LRP1B: variants seen among roughly 807,000 people sequenced by gnomAD.
LRP1B encodes low-density lipoprotein receptor-related protein 1B.
In LRP1B, 217 loss-of-function variants were observed where a neutral mutation model predicts 556.6. That is an observed-to-expected ratio of 0.39 (90% CI 0.35 to 0.44). LRP1B has a LOEUF of 0.44. Ranked by LOEUF, LRP1B falls within the 20% of genes least tolerant of loss-of-function variation. The pLI is 1.00. For synonymous variants in LRP1B, 2,047 were observed against 1,865.8 expected (o/e 1.10, Z -2.50); for missense variants, 5,053 against 5,620.8 (o/e 0.90, Z 3.23).
At chr2:141,878,398 C>T (rs1452670734) in intron 1 of LRP1B, among the ~76,000 whole-genome samples, 1 of 151,592 alleles carries the variant, frequency 6.6e-6, no homozygotes, top group Non-Finnish European at 1.5e-5. Context: ...AAAACACATG[C>T]ACACACACAA....
At chr2:141,143,835 CTTT>C (rs11408374) in intron 7 of LRP1B, among the ~76,000 whole-genome samples, 1 of 148,140 alleles carries the variant, frequency 6.8e-6, no homozygotes. Context: ...CTTTCCTAAT[CTTT>C]TTTTTTTTTT....
intron 2 of LRP1B, among the ~76,000 whole-genome samples, chr2:141,598,726 A>C (rs1687612462): frequency 6.6e-6 from 1 of 152,174 alleles, no homozygotes; most frequent in African/African-American, 2.4e-5. Flanking sequence ...ATACATGTGC[A>C]AACAGTGAGT....
At chr2:141,192,632 T>G (rs1267520065) in intron 6 of LRP1B, among the ~76,000 whole-genome samples, 1 of 151,890 alleles carries the variant, frequency 6.6e-6, no homozygotes, top group African/African-American at 2.4e-5. Flanking sequence ...GATTTTGCTC[T>G]CATTGTTCCT....
intron 41 of LRP1B, among the ~76,000 whole-genome samples, chr2:140,654,840 C>T (rs910842860): frequency 3.3e-5 from 5 of 152,242 alleles, no homozygotes; most frequent in East Asian, 1.9e-4. Context: ...ATCTGCTCTC[C>T]GTATTGTTCA....
chr2:141,627,098 G>T (rs1331048698), intron 2 of LRP1B, among the ~76,000 whole-genome samples: 5 of 152,180 alleles, frequency 3.3e-5, no homozygotes, highest in African/African-American at 9.6e-5. Context: ...TCCAGGCATT[G>T]CAATCTTTTT....
chr2:141,332,750 G>T (rs1219580541), intron 3 of LRP1B, among the ~76,000 whole-genome samples: 1 of 146,280 alleles, frequency 6.8e-6, no homozygotes. Flanking sequence ...AAAGGAAACT[G>T]TTACAGTTAC....
chr2:141,131,223 A>G (rs1701342254), intron 7 of LRP1B, among the ~76,000 whole-genome samples: 1 of 151,958 alleles, frequency 6.6e-6, no homozygotes. Flanking sequence ...ACTCCATTGT[A>G]AGTCAAAAAC....
rs559494595 is a variant in LRP1B at position 142,025,681 on chromosome 2, A to T, written c.82+104967T>A. Among the ~76,000 whole-genome samples the T allele has an allele frequency of 2.6e-5, 4 of 152,242 alleles. No homozygotes were observed. The South Asian group carries it at 8.3e-4, about 32-fold the overall frequency. ...GCAGTTTGAGCATACCTTTACATTAAAAAGTCCATAAGGGCAACTCTCTTC... is the reference window on the plus strand; with the variant it reads ...GCAGTTTGAGCATACCTTTACATTATAAAGTCCATAAGGGCAACTCTCTTC... On this transcript the variant is annotated intron_variant, in intron 1 of 90. Transcript: ENST00000389484.
intron 71 of LRP1B, among the ~76,000 whole-genome samples, chr2:140,369,331 G>A (rs1682890777): frequency 1.3e-5 from 2 of 152,036 alleles, no homozygotes; most frequent in South Asian, 4.1e-4. Flanking sequence ...GAAGCAATGG[G>A]AGAATGAACT....
intron 6 of LRP1B, among the ~76,000 whole-genome samples, chr2:141,218,136 T>A (rs888337495): frequency 1.3e-5 from 2 of 152,194 alleles, no homozygotes; most frequent in African/African-American, 4.8e-5. Context: ...TTGGTGGGAT[T>A]GTAAATTAGT....
At chr2:141,750,427 T>C (rs1297511790) in intron 2 of LRP1B, among the ~76,000 whole-genome samples, 2 of 152,150 alleles carry the variant, frequency 1.3e-5, no homozygotes, top group Non-Finnish European at 2.9e-5. Context: ...CCAATTTACA[T>C]AGCTTCTTCC....
intron 2 of LRP1B, among the ~76,000 whole-genome samples, chr2:141,794,485 G>A (rs1294467635): frequency 6.6e-6 from 1 of 151,776 alleles, no homozygotes; most frequent in Non-Finnish European, 1.5e-5. Flanking sequence ...TCTACCTGAA[G>A]CAACTCTTCA....
chr2:141,214,181 C>T (rs908502693), intron 6 of LRP1B, among the ~76,000 whole-genome samples: 8 of 152,162 alleles, frequency 5.3e-5, no homozygotes, highest in African/African-American at 1.9e-4. Context: ...GGATGGTCAT[C>T]ATCATAACTT....
At chr2:140,942,941 C>T (rs1208599487) in intron 20 of LRP1B, among the ~76,000 whole-genome samples, 1 of 151,974 alleles carries the variant, frequency 6.6e-6, no homozygotes, top group Non-Finnish European at 1.5e-5. Flanking sequence ...CAATATTAAC[C>T]TTGAATGTAA....
At chr2:141,776,617 GGCTT>G (rs1695084888) in intron 2 of LRP1B, among the ~76,000 whole-genome samples, 1 of 152,086 alleles carries the variant, frequency 6.6e-6, no homozygotes, top group Admixed American at 6.5e-5. Flanking sequence ...TAGTGATGAT[GGCTT>G]CATAAAAAAG....
At chr2:140,369,992 T>C (rs1238476798) in intron 71 of LRP1B, among the ~76,000 whole-genome samples, 1 of 151,966 alleles carries the variant, frequency 6.6e-6, no homozygotes, top group Non-Finnish European at 1.5e-5. Context: ...TCTAACAAAA[T>C]GAAACTAGCA....
At chr2:142,005,599 T>A (rs1280220089) in intron 1 of LRP1B, among the ~76,000 whole-genome samples, 1 of 152,178 alleles carries the variant, frequency 6.6e-6, no homozygotes, top group Non-Finnish European at 1.5e-5. Flanking sequence ...TGTATTCATG[T>A]AATGATGAAT....
At chr2:141,028,369 A>G (rs1698274216) in intron 11 of LRP1B, among the ~76,000 whole-genome samples, 1 of 151,816 alleles carries the variant, frequency 6.6e-6, no homozygotes, top group South Asian at 2.1e-4. Context: ...TTAAAGAAAA[A>G]GAATCTAAAG....
In LRP1B at chr2:141,313,502, G is replaced by A. The variant is rs190864923; in HGVS notation, c.344-58861C>T. On this transcript the variant is annotated intron_variant, in intron 3 of 90. Transcript: ENST00000389484. The stretch of plus-strand genomic sequence containing the variant: ...TTTCTGTTTTGTATCTTTGAAGGTA[G>A]GCAGTGCTTACTTGTCTGAGGGAAT... Among the ~76,000 whole-genome samples, 135 of 152,228 alleles carry A rather than the reference G, an allele frequency of 8.9e-4. 1 individual carries two copies. The highest frequency in any genetic ancestry group is 9.7e-4 in the Non-Finnish European group (66 of 68,008).
Sources: allele counts gnomAD v4.1 joint callset (sites outside exome capture counted in the v4.1 genomes callset), GRCh38; gene constraint gnomAD v4.1.1; transcripts MANE v1.5; gene names NCBI Gene and HGNC (gene_info 2026-07-23, HGNC 2026-07-21).